Variants in ROBO2 observed in about 807,000 individuals in gnomAD.
The protein encoded by ROBO2 is roundabout homolog 2.
A neutral mutation model predicts 160.8 loss-of-function variants in ROBO2; 53 were observed. The observed-to-expected ratio is 0.33, with a 90% CI of 0.26 to 0.41. ROBO2 has a LOEUF of 0.41. Among genes scored for constraint, ROBO2 ranks in the 10% least tolerant of loss-of-function variants. The pLI, the probability that ROBO2 is intolerant of heterozygous loss-of-function variation, is 1.00. For synonymous variants in ROBO2, 664 were observed against 611.7 expected (o/e 1.09, Z -1.26); for missense variants, 1,577 against 1,722.4 (o/e 0.92, Z 1.49).
intron 2 of ROBO2, among the ~76,000 whole-genome samples, chr3:76,654,583 C>T (rs562469459): frequency 1.3e-5 from 2 of 152,142 alleles, no homozygotes; most frequent in African/African-American, 4.8e-5. Flanking sequence ...TAACTGACCA[C>T]CTACTGTGTA....
intron 2 of ROBO2, among the ~76,000 whole-genome samples, chr3:76,029,876 T>C (rs1389687293): frequency 6.6e-6 from 1 of 152,222 alleles, no homozygotes; most frequent in Non-Finnish European, 1.5e-5. Flanking sequence ...TTTGGGTACA[T>C]ACCCAGTAAT....
At chr3:77,545,203 CA>C (rs1433378831) in intron 6 of ROBO2, among the ~76,000 whole-genome samples, 1 of 152,040 alleles carries the variant, frequency 6.6e-6, no homozygotes, top group East Asian at 1.9e-4. Context: ...AGAAAAAAAT[CA>C]GAATAAAATC....
intron 2 of ROBO2, among the ~76,000 whole-genome samples, chr3:76,656,024 T>C (rs1257435019): frequency 1.3e-5 from 2 of 152,170 alleles, no homozygotes; most frequent in Non-Finnish European, 2.9e-5. Flanking sequence ...TTAAATCATA[T>C]AGATTTAATT....
chr3:77,433,758 T>C (rs1185615549), intron 2 of ROBO2, among the ~76,000 whole-genome samples: 1 of 151,892 alleles, frequency 6.6e-6, no homozygotes, highest in African/African-American at 2.4e-5. Flanking sequence ...CTCATGGTCT[T>C]TCTATCTGAC....
intron 2 of ROBO2, among the ~76,000 whole-genome samples, chr3:76,879,291 G>A (rs986993609): frequency 6.6e-6 from 1 of 152,086 alleles, no homozygotes; most frequent in African/African-American, 2.4e-5. Context: ...ATGTGCGTTT[G>A]GGTCACCTGA....
intron 4 of ROBO2, among the ~76,000 whole-genome samples, chr3:77,484,990 T>G (rs2085171678): frequency 6.6e-6 from 1 of 152,104 alleles, no homozygotes; most frequent in Non-Finnish European, 1.5e-5. Context: ...CTATAATCAT[T>G]TTTTTAGACT....
chr3:77,027,441 G>A (rs905927274), intron 2 of ROBO2, among the ~76,000 whole-genome samples: 42 of 152,112 alleles, frequency 2.8e-4, no homozygotes, highest in African/African-American at 8.5e-4. Flanking sequence ...GAAAGTATAC[G>A]CAGAAATGAT....
intron 2 of ROBO2, among the ~76,000 whole-genome samples, chr3:76,125,052 G>T (rs1255643820): frequency 6.6e-6 from 1 of 152,022 alleles, no homozygotes; most frequent in African/African-American, 2.4e-5. Context: ...TTATATTCAC[G>T]TGTGTTCAGT....
chr3:76,868,513 T>C (rs1382041643), intron 2 of ROBO2, among the ~76,000 whole-genome samples: 1 of 152,214 alleles, frequency 6.6e-6, no homozygotes, highest in Non-Finnish European at 1.5e-5. Context: ...CAACGTTCTA[T>C]GTTTGAAATA....
intron 6 of ROBO2, among the ~76,000 whole-genome samples, chr3:77,540,189 T>C (rs965980330): frequency 6.6e-6 from 1 of 152,158 alleles, no homozygotes; most frequent in Non-Finnish European, 1.5e-5. Context: ...ACAGGTAGTA[T>C]AGAAAGAGAA....
At chr3:76,168,547 C>T (rs1455240322) in intron 2 of ROBO2, among the ~76,000 whole-genome samples, 1 of 152,050 alleles carries the variant, frequency 6.6e-6, no homozygotes, top group Non-Finnish European at 1.5e-5. Flanking sequence ...AGTTTGGGGG[C>T]TACAACTTTG....
At chr3:76,425,570 A>G (rs1355115215) in intron 2 of ROBO2, among the ~76,000 whole-genome samples, 3 of 151,310 alleles carry the variant, frequency 2.0e-5, no homozygotes, top group African/African-American at 7.3e-5. Context: ...GGTATACCCA[A>G]TGCCTAGGAT....
intron 2 of ROBO2, among the ~76,000 whole-genome samples, chr3:76,928,804 T>C (rs942891892): frequency 3.3e-5 from 5 of 152,320 alleles, no homozygotes; most frequent in African/African-American, 1.2e-4. Flanking sequence ...TGTCTTTTCA[T>C]TGTCTCTCAC....
chr3:77,156,943 A>G (rs2078065098), intron 2 of ROBO2, among the ~76,000 whole-genome samples: 1 of 152,092 alleles, frequency 6.6e-6, no homozygotes, highest in Middle Eastern at 3.4e-3. Context: ...CAGCAACATC[A>G]ATATCACTCG....
intron 6 of ROBO2, among the ~76,000 whole-genome samples, chr3:77,541,054 T>A (rs1345440671): frequency 6.6e-6 from 1 of 152,198 alleles, no homozygotes; most frequent in African/African-American, 2.4e-5. Context: ...AAAATTCTAC[T>A]TGAGTTTGTC....
At chr3:75,908,302 C>A (rs1056732731) in intron 1 of ROBO2, among the ~76,000 whole-genome samples, 3 of 152,182 alleles carry the variant, frequency 2.0e-5, no homozygotes, top group African/African-American at 7.2e-5. Flanking sequence ...CTTTGTTAAT[C>A]AAAGTATGTA....
chr3:76,440,050 A>G (rs1214359080), intron 2 of ROBO2, among the ~76,000 whole-genome samples: 1 of 152,036 alleles, frequency 6.6e-6, no homozygotes, highest in Non-Finnish European at 1.5e-5. Context: ...GAGCTTCTAC[A>G]TTTGCATTCT....
chr3:76,548,625 C>A (rs2083247173), intron 2 of ROBO2, among the ~76,000 whole-genome samples: 3 of 134,834 alleles, frequency 2.2e-5, no homozygotes, highest in African/African-American at 5.6e-5. Flanking sequence ...TTCCTGGGAA[C>A]CAGAGGGAGG....
intron 2 of ROBO2, among the ~76,000 whole-genome samples, chr3:76,729,943 A>AAG (rs1485612679): frequency 6.6e-5 from 10 of 152,116 alleles, no homozygotes; most frequent in Non-Finnish European, 1.5e-4. Flanking sequence ...CGGCCTACAC[A>AAG]TGTATTTCTA....
Sources: allele counts gnomAD v4.1 joint callset (sites outside exome capture counted in the v4.1 genomes callset), GRCh38; gene constraint gnomAD v4.1.1; transcripts MANE v1.5; gene names NCBI Gene and HGNC (gene_info 2026-07-23, HGNC 2026-07-21).